The following IQGAP2 variants were observed in gnomAD, a reference collection of about 807,000 sequenced individuals.
IQGAP2 encodes IQ motif containing GTPase activating protein 2, also known as ras GTPase-activating-like protein IQGAP2.
IQGAP2 carries 173 observed loss-of-function variants against 201.3 expected under a neutral mutation model. The observed-to-expected ratio is 0.86, with a 90% CI of 0.76 to 0.98. IQGAP2 has a LOEUF of 0.98. IQGAP2 is among the 50% of genes least tolerant of loss of function. IQGAP2 has a pLI of 0.00. For missense variants in IQGAP2, 1,687 were observed against 1,864.8 expected, an observed-to-expected ratio of 0.90 and a Z score of 1.76; for synonymous variants, 675 against 673.9, an observed-to-expected ratio of 1.00 and a Z score of -0.03.
chr5:76,415,239 CA>C (rs1751347612), intron 1 of IQGAP2, among the ~76,000 whole-genome samples: 1 of 152,174 alleles, frequency 6.6e-6, no homozygotes. Context: ...AATAGAACAG[CA>C]GTAAAATCCA....
chr5:76,673,286 C>T (rs759357772), intron 24 of IQGAP2, among the ~76,000 whole-genome samples, 163 bp from the exon 25 acceptor site: 10 of 152,120 alleles, frequency 6.6e-5, no homozygotes, highest in Non-Finnish European at 1.3e-4. Flanking sequence ...AGAAGGTACC[C>T]TCTGTGAAGG....
At chr5:76,664,962 T>G in intron 21 of IQGAP2, 64 bp from the exon 22 acceptor site, 4 of 917,104 alleles carry the variant, frequency 4.4e-6, no homozygotes, top group Admixed American at 2.1e-5. Flanking sequence ...CAATCCTATA[T>G]GTGAAGGGAG....
intron 2 of IQGAP2, among the ~76,000 whole-genome samples, chr5:76,536,848 A>C (rs1219784016): frequency 6.6e-6 from 1 of 152,164 alleles, no homozygotes; most frequent in Non-Finnish European, 1.5e-5. Flanking sequence ...AAAATGATTC[A>C]GAAACCGGAC....
intron 2 of IQGAP2, 23 bp from the exon 3 acceptor site, chr5:76,562,373 T>C: frequency 6.4e-7 from 1 of 1,565,848 alleles, no homozygotes; most frequent in Non-Finnish European, 8.7e-7. Context: ...ATCACTTTAA[T>C]ATTTTTTTTT....
Position 76,654,203 on chromosome 5 carries a change from C to A in IQGAP2, c.2182C>A (p.Gln728Lys). 6.2e-7 allele frequency: 1 copy of A among 1,602,476 alleles called. No homozygotes were observed. The highest frequency in any genetic ancestry group is 8.5e-7 in the Non-Finnish European group (1 of 1,173,216). ...IDNTDSIVKIQSWFRMATARK... is the reference protein window; with the variant it reads ...IDNTDSIVKIKSWFRMATARK... ...TCTATTTTTTAAAACCTTTCAGATTCAGTCCTGGTTCCGAATGGCAACTGC... is the reference window on the plus strand; with the variant it reads ...TCTATTTTTTAAAACCTTTCAGATTAAGTCCTGGTTCCGAATGGCAACTGC... Residue 728 changes from glutamine (Q) to lysine (K), a missense_variant, in exon 19 of 36, where the codon CAG (glutamine) becomes AAG (lysine). Gln to Lys is a moderately conservative substitution (Grantham distance 53). Transcript: ENST00000274364.
intron 2 of IQGAP2, among the ~76,000 whole-genome samples, chr5:76,491,535 C>G (rs1756538059): frequency 6.6e-6 from 1 of 152,038 alleles, no homozygotes; most frequent in African/African-American, 2.4e-5. Flanking sequence ...AACTCTTGGG[C>G]TCAAGTGATC....
chr5:76,421,027 C>T (rs957440040), intron 1 of IQGAP2, among the ~76,000 whole-genome samples: 13 of 152,286 alleles, frequency 8.5e-5, no homozygotes, highest in East Asian at 1.9e-4. Flanking sequence ...GCTGCTACAG[C>T]GAGCATGGGT....
chr5:76,674,940 T>C (rs1744675286), intron 27 of IQGAP2, among the ~76,000 whole-genome samples: 1 of 152,158 alleles, frequency 6.6e-6, no homozygotes, highest in African/African-American at 2.4e-5. Context: ...ACTGAGTCTT[T>C]TCTGTGTGTA....
chr5:76,465,120 A>G (rs1359838274), intron 2 of IQGAP2, among the ~76,000 whole-genome samples: 1 of 152,198 alleles, frequency 6.6e-6, no homozygotes, highest in Admixed American at 6.5e-5. Flanking sequence ...ATCTCAAGAA[A>G]ACTAAAGACC....
chr5:76,444,123 T>A (rs1254266235), intron 1 of IQGAP2, among the ~76,000 whole-genome samples: 1 of 152,166 alleles, frequency 6.6e-6, no homozygotes, highest in Non-Finnish European at 1.5e-5. Context: ...CGATGGCTTA[T>A]ACCTGTAATC....
intron 1 of IQGAP2, among the ~76,000 whole-genome samples, chr5:76,417,005 A>AT (rs1181943269): frequency 6.0e-5 from 9 of 150,908 alleles, no homozygotes; most frequent in Non-Finnish European, 1.2e-4. Context: ...ATTAAAAAAA[A>AT]TTTTTTTTTG....
chr5:76,512,375 C>T (rs761335477), intron 2 of IQGAP2, among the ~76,000 whole-genome samples: 16 of 152,162 alleles, frequency 1.1e-4, no homozygotes, highest in East Asian at 5.8e-4. Flanking sequence ...GGGAGCTTCA[C>T]GAGTTCATGA....
chr5:76,647,823 CCA>C (rs374577768), intron 17 of IQGAP2, among the ~76,000 whole-genome samples: 266 of 62,338 alleles, frequency 4.3e-3, no homozygotes, highest in African/African-American at 9.7e-3. Flanking sequence ...TAGCCAAACA[CCA>C]CACACACACA....
At chr5:76,637,282 T>C in intron 16 of IQGAP2, 106 bp downstream of exon 16, 1 of 880,508 alleles carries the variant, frequency 1.1e-6, no homozygotes, top group Non-Finnish European at 1.7e-6. Flanking sequence ...CTGATTTATC[T>C]GAAGTCTGGA....
intron 1 of IQGAP2, among the ~76,000 whole-genome samples, chr5:76,432,854 G>A (rs1332629104): frequency 6.6e-6 from 1 of 152,212 alleles, no homozygotes; most frequent in African/African-American, 2.4e-5. Context: ...CATGCTCTGT[G>A]CCCTGGGAGG....
intron 5 of IQGAP2, among the ~76,000 whole-genome samples, chr5:76,585,303 C>T (rs148784663): frequency 1.3e-5 from 2 of 152,126 alleles, no homozygotes; most frequent in African/African-American, 4.8e-5. Flanking sequence ...AAATTTGTTG[C>T]TTGAAGACAT....
chr5:76,449,996 A>C (rs1430892067), intron 1 of IQGAP2, among the ~76,000 whole-genome samples: 5 of 152,188 alleles, frequency 3.3e-5, no homozygotes, highest in Non-Finnish European at 5.9e-5. Flanking sequence ...TAATACCTGA[A>C]AACCTTCATG....
intron 1 of IQGAP2, among the ~76,000 whole-genome samples, chr5:76,416,171 T>C (rs1751394768): frequency 6.6e-6 from 1 of 152,170 alleles, no homozygotes; most frequent in East Asian, 1.9e-4. Flanking sequence ...GGAATTTACA[T>C]AGGGTTTATG....
Position 76,652,940 on chromosome 5 carries a change from G to A in IQGAP2, c.2178+107G>A, listed in dbSNP as rs192472864. On this transcript the variant is annotated intron_variant, in intron 18 of 35. Transcript: ENST00000274364. ...GAAAGGGAGGGTACATGTGAGCCTT[G>A]AAGTCAGAAGGCAGTACTGGATTTG... The A allele has an allele frequency of 2.9e-5, 21 of 724,468 alleles. No homozygotes were observed. In the African/African-American group the frequency reaches 3.4e-4, roughly 12 times the overall value. The allele number at this position is 724,468 out of a possible 1,614,324, so 44.9% of individuals were successfully genotyped here.
Sources: allele counts gnomAD v4.1 joint callset (sites outside exome capture counted in the v4.1 genomes callset), GRCh38; gene constraint gnomAD v4.1.1; transcripts MANE v1.5; gene names NCBI Gene and HGNC (gene_info 2026-07-23, HGNC 2026-07-21).